Variants in MSH3 observed in about 807,000 individuals in gnomAD.
MSH3 encodes the protein DNA mismatch repair protein Msh3.
MSH3 carries 106 observed loss-of-function variants against 123.3 expected under a neutral mutation model. That is an observed-to-expected ratio of 0.86 (90% CI 0.73 to 1.01). MSH3 has a LOEUF of 1.01. MSH3 is among the 50% of genes least tolerant of loss of function. The pLI, the probability that MSH3 is intolerant of heterozygous loss-of-function variation, is 0.00. For missense variants in MSH3, 1,459 were observed against 1,347.6 expected (o/e 1.08, Z -1.29); for synonymous variants, 515 against 481.4 (o/e 1.07, Z -0.91).
intron 8 of MSH3, among the ~76,000 whole-genome samples, chr5:80,711,852 C>T (rs1321853513): frequency 6.6e-6 from 1 of 152,036 alleles, no homozygotes; most frequent in Non-Finnish European, 1.5e-5. Flanking sequence ...CAGGGTTTCA[C>T]CATGTGGGCC....
At chr5:80,663,064 G>A (rs1749477021) in intron 2 of MSH3, among the ~76,000 whole-genome samples, 1 of 152,026 alleles carries the variant, frequency 6.6e-6, no homozygotes, top group Non-Finnish European at 1.5e-5. Context: ...GGGAGACCCT[G>A]TCTATACAAA....
intron 8 of MSH3, among the ~76,000 whole-genome samples, chr5:80,692,643 T>A (rs1750326133): frequency 7.0e-6 from 1 of 142,060 alleles, no homozygotes. Context: ...TTTATATATG[T>A]TTATATAGAT....
intron 8 of MSH3, among the ~76,000 whole-genome samples, chr5:80,714,940 CCTT>C (rs1007954741): frequency 1.2e-4 from 19 of 152,236 alleles, no homozygotes; most frequent in Middle Eastern, 3.4e-3. Flanking sequence ...GTAGAAAAAT[CCTT>C]CTTCAGCACC....
intron 2 of MSH3, among the ~76,000 whole-genome samples, chr5:80,663,577 A>AC (rs2112807716): frequency 1.3e-5 from 2 of 152,100 alleles, no homozygotes; most frequent in African/African-American, 4.8e-5. Flanking sequence ...ATAGGAGGGA[A>AC]ACTCTTTGTA....
intron 12 of MSH3, among the ~76,000 whole-genome samples, chr5:80,756,235 A>G (rs564767524): frequency 2.3e-4 from 35 of 152,328 alleles, no homozygotes; most frequent in African/African-American, 7.7e-4. Context: ...CTTATACTCC[A>G]AAAAGAAAGA....
At chr5:80,846,682 G>A (rs1244899945) in intron 20 of MSH3, among the ~76,000 whole-genome samples, 1 of 152,262 alleles carries the variant, frequency 6.6e-6, no homozygotes, top group Non-Finnish European at 1.5e-5. Context: ...TGCTGCGCTA[G>A]CAGTGAGCAA....
chr5:80,770,897 A>G (rs1200042212), intron 15 of MSH3, among the ~76,000 whole-genome samples: 3 of 152,208 alleles, frequency 2.0e-5, no homozygotes, highest in Non-Finnish European at 4.4e-5. Context: ...GTTATTCATT[A>G]TGAGTGTGGC....
At chr5:80,853,684 T>C (rs746646695) in intron 20 of MSH3, among the ~76,000 whole-genome samples, 1 of 152,210 alleles carries the variant, frequency 6.6e-6, no homozygotes, top group Admixed American at 6.5e-5. Context: ...TAACTTACTT[T>C]ATATGTAGTA....
intron 8 of MSH3, among the ~76,000 whole-genome samples, chr5:80,695,983 T>G (rs1166368086): frequency 8.5e-5 from 13 of 152,144 alleles, no homozygotes; most frequent in Admixed American, 8.5e-4. Flanking sequence ...AGGGTAGGGG[T>G]GTGCTGCCTC....
chr5:80,813,770 T>C (rs1476167759), intron 20 of MSH3, 29 bp downstream of exon 20: 1 of 1,612,776 alleles, frequency 6.2e-7, no homozygotes. Context: ...CTTGCATATA[T>C]TCTTGAAAAT....
intron 20 of MSH3, among the ~76,000 whole-genome samples, chr5:80,836,713 T>C (rs981990954): frequency 6.6e-6 from 1 of 151,836 alleles, no homozygotes; most frequent in Non-Finnish European, 1.5e-5. Context: ...TTAAATCATC[T>C]CCAGGTTACT....
chr5:80,784,268 C>G (rs1040609113), intron 17 of MSH3, among the ~76,000 whole-genome samples: 1 of 121,100 alleles, frequency 8.3e-6, no homozygotes, highest in Non-Finnish European at 1.7e-5. Context: ...TAAATAAAGT[C>G]GAAGCCAGAG....
chr5:80,788,706 A>G (rs2112021745), intron 18 of MSH3, among the ~76,000 whole-genome samples: 1 of 151,436 alleles, frequency 6.6e-6, no homozygotes, highest in South Asian at 2.1e-4. Context: ...GCTGCTTGGG[A>G]CACTGAGGAT....
In MSH3 at chr5:80,779,765, C is replaced by T. The variant is rs534967946; in HGVS notation, c.2435+929C>T. Among the ~76,000 whole-genome samples the T allele has an allele frequency of 1.6e-3, 243 of 151,654 alleles. 1 individual carries two copies. The highest frequency in any genetic ancestry group is 5.6e-3 in the African/African-American group (231 of 41,356). On this transcript the variant is annotated intron_variant, in intron 17 of 23. Coordinates refer to ENST00000265081, the MANE Select transcript of MSH3 (RefSeq NM_002439.5). ...ATTTTTAATAGAGACGGGGTTTCAC[C>T]GTGTTAGCCAAGATTATCTCAATCT...
chr5:80,816,861 T>C (rs922174648), intron 20 of MSH3, among the ~76,000 whole-genome samples: 4 of 152,216 alleles, frequency 2.6e-5, no homozygotes, highest in African/African-American at 9.6e-5. Flanking sequence ...GAAGAGGATG[T>C]TTTTTCATAG....
chr5:80,852,402 A>G (rs1215221772), intron 20 of MSH3, among the ~76,000 whole-genome samples: 1 of 152,142 alleles, frequency 6.6e-6, no homozygotes, highest in Non-Finnish European at 1.5e-5. Flanking sequence ...ATGACCCCCC[A>G]AAATATTTCC....
intron 6 of MSH3, among the ~76,000 whole-genome samples, chr5:80,673,169 T>C (rs917018986): frequency 6.6e-6 from 1 of 152,176 alleles, no homozygotes; most frequent in Non-Finnish European, 1.5e-5. Flanking sequence ...AGCCCATTTG[T>C]GGGAAGTAGT....
chr5:80,692,742 GTA>G (rs1181905066), intron 8 of MSH3, among the ~76,000 whole-genome samples: 9 of 134,204 alleles, frequency 6.7e-5, no homozygotes, highest in East Asian at 2.2e-4. Context: ...ACATACACAT[GTA>G]TATGTTTAGA....
chr5:80,732,283 A>G (rs1021033639), intron 10 of MSH3, among the ~76,000 whole-genome samples: 1 of 152,194 alleles, frequency 6.6e-6, no homozygotes, highest in African/African-American at 2.4e-5. Context: ...GGTTTTTATT[A>G]AGATTGGAGT....
Sources: gnomAD v4.1 joint callset for allele counts (sites outside exome capture counted in the v4.1 genomes callset) on GRCh38, gnomAD v4.1.1 for gene constraint, MANE v1.5 for transcripts, NCBI Gene and HGNC (gene_info 2026-07-23, HGNC 2026-07-21) for gene names.